ABCA8: variants seen among roughly 807,000 people sequenced by gnomAD.
ABCA8 encodes the protein ABC-type organic anion transporter ABCA8.
A neutral mutation model predicts 192.3 loss-of-function variants in ABCA8; 177 were observed. The ratio of observed to expected loss-of-function variants is 0.92; its 90% CI spans 0.81 to 1.04. The LOEUF is 1.04. Among genes scored for constraint, ABCA8 ranks in the 50% least tolerant of loss-of-function variants. The probability of loss-of-function intolerance (pLI) is 0.00; values close to 1 mark genes in which losing one functional copy is unlikely to be tolerated. For missense variants in ABCA8, 1,915 were observed against 1,904.8 expected (o/e 1.01, Z -0.10); for synonymous variants, 642 against 690.2 (o/e 0.93, Z 1.09).
chr17:68,884,447 T>A, intron 27 of ABCA8, 51 bp from the exon 28 acceptor site: 1 of 1,535,812 alleles, frequency 6.5e-7, no homozygotes, highest in Non-Finnish European at 8.7e-7. Context: ...TTTCCTGAAT[T>A]TTGTCCACAT....
chr17:68,872,661 G>C (rs1247433221), intron 37 of ABCA8, among the ~76,000 whole-genome samples: 1 of 152,012 alleles, frequency 6.6e-6, no homozygotes, highest in Non-Finnish European at 1.5e-5. Context: ...AGCTCCACAT[G>C]TGTCATTGCC....
intron 26 of ABCA8, among the ~76,000 whole-genome samples, chr17:68,886,285 T>G (rs2066459065): frequency 6.6e-6 from 1 of 152,206 alleles, no homozygotes; most frequent in South Asian, 2.1e-4. Flanking sequence ...CATGATTTTA[T>G]TTTTTGCCAT....
chr17:68,889,385 G>A (rs4147314), intron 24 of ABCA8, among the ~76,000 whole-genome samples: 63,615 of 151,958 alleles, frequency 0.42, 13,903 homozygotes, highest in East Asian at 0.56. Context: ...ATGCTCAGGT[G>A]ATTTGTAAAC....
chr17:68,896,712 G>A (rs1296836139), intron 21 of ABCA8, among the ~76,000 whole-genome samples: 1 of 152,186 alleles, frequency 6.6e-6, no homozygotes, highest in Non-Finnish European at 1.5e-5. Flanking sequence ...GAGGAGTAAT[G>A]CTGGCAATTT....
intron 4 of ABCA8, among the ~76,000 whole-genome samples, 174 bp downstream of exon 4, chr17:68,940,584 C>G (rs762787468): frequency 1.3e-5 from 2 of 152,126 alleles, no homozygotes; most frequent in Non-Finnish European, 2.9e-5. Context: ...GTAGTTTTAA[C>G]TTAGATACTG....
intron 1 of ABCA8, among the ~76,000 whole-genome samples, chr17:68,952,365 C>T (rs2068590973): frequency 6.6e-6 from 1 of 152,014 alleles, no homozygotes; most frequent in Non-Finnish European, 1.5e-5. Flanking sequence ...ATTACAAGCG[C>T]CCGCCACCAC....
intron 10 of ABCA8, among the ~76,000 whole-genome samples, chr17:68,926,255 A>T (rs1200159548): frequency 2.6e-5 from 4 of 152,226 alleles, no homozygotes; most frequent in Non-Finnish European, 5.9e-5. Context: ...AAGCAATTGT[A>T]AACACAGTGA....
At chr17:68,936,504 C>G (rs973280865) in intron 5 of ABCA8, among the ~76,000 whole-genome samples, 1 of 152,040 alleles carries the variant, frequency 6.6e-6, no homozygotes, top group African/African-American at 2.4e-5. Context: ...TGGCTTCATT[C>G]TGGTTTCTCT....
At chr17:68,941,818 G>A (rs564852212) in intron 3 of ABCA8, 121 bp downstream of exon 3, 3 of 616,214 alleles carry the variant, frequency 4.9e-6, no homozygotes, top group African/African-American at 1.9e-5. Context: ...TTGTATAAAC[G>A]TTGCTGTATT....
intron 2 of ABCA8, among the ~76,000 whole-genome samples, chr17:68,944,359 T>TATATATATATATATATATATATACAC (rs765731645): frequency 1.4e-5 from 1 of 69,462 alleles, no homozygotes; most frequent in Non-Finnish European, 2.9e-5. Flanking sequence ...TATATATATA[T>TATATATATATATATATATATATACAC]ACACATATAC....
In ABCA8 at chr17:68,875,280, G is replaced by A; in HGVS notation, c.4611C>T (p.Pro1537=). The part of the protein sequence containing the change: ...PLHAEILRLF[P]QAARQERYSS... ...TTTACCTTTCCTGCCGAGCAGCCTG[G>A]GGGAAAAGCCTCAGGATCTCTGCAT... is the stretch of plus-strand genomic sequence containing the variant. Residue 1537 remains proline (P), a synonymous_variant, in exon 37 of 40, where the codon CCC becomes CCT. Coordinates refer to ENST00000586539, the MANE Select transcript of ABCA8 (RefSeq NM_001288985.2). 1.2e-6 allele frequency: 2 copies of A among 1,613,890 alleles called. No individual in the cohort carries two copies. Among genetic ancestry groups the A allele is most frequent in the Middle Eastern group, 1.7e-4 (1 of 5,848 alleles).
chr17:68,872,047 G>T (rs544945875), intron 37 of ABCA8, among the ~76,000 whole-genome samples: 19 of 152,242 alleles, frequency 1.2e-4, no homozygotes, highest in Non-Finnish European at 2.2e-4. Flanking sequence ...TCTACAACTG[G>T]AAATACCATT....
chr17:68,875,333 T>C lies in ABCA8; in HGVS notation c.4558A>G (p.Lys1520Glu), dbSNP rs2066170717. 5 of 1,614,150 alleles carry C rather than the reference T, an allele frequency of 3.1e-6. No homozygotes were observed. The highest frequency in any genetic ancestry group is 4.2e-6 in the Non-Finnish European group (5 of 1,180,020). Reference sequence around the variant, plus strand: ...AGGGGCTCCACTTGTGCCAGGTTCTTCACCTTCATCTCCAGCAGGTAATCT... The same window carrying C: ...AGGGGCTCCACTTGTGCCAGGTTCTCCACCTTCATCTCCAGCAGGTAATCT... ...GKDYLLEMKV[K>E]NLAQVEPLHA... The change falls in exon 37 of 40, where the codon AAG becomes GAG. Residue 1520 changes from lysine to glutamate, a missense_variant. Transcript: ENST00000586539.
chr17:68,907,702 A>G (rs1483256694), intron 18 of ABCA8, 38 bp downstream of exon 18: 1 of 1,512,480 alleles, frequency 6.6e-7, no homozygotes, highest in South Asian at 1.4e-5. Context: ...GATGACTATT[A>G]TTCACATATT....
intron 2 of ABCA8, among the ~76,000 whole-genome samples, chr17:68,942,600 G>A (rs184954714): frequency 2.0e-5 from 3 of 152,102 alleles, no homozygotes; most frequent in East Asian, 3.9e-4. Flanking sequence ...CCCTTTCCTC[G>A]AAGCTCTGTT....
chr17:68,908,278 T>C (rs1402337978), intron 17 of ABCA8, among the ~76,000 whole-genome samples: 1 of 152,206 alleles, frequency 6.6e-6, no homozygotes, highest in African/African-American at 2.4e-5. Context: ...TTAAGCTGAC[T>C]AAATAGAATT....
intron 2 of ABCA8, among the ~76,000 whole-genome samples, chr17:68,942,446 G>C (rs1315342591): frequency 6.6e-6 from 1 of 152,164 alleles, no homozygotes; most frequent in African/African-American, 2.4e-5. Flanking sequence ...CATTTGCTGA[G>C]TTGCTATAGA....
At chr17:68,903,149 G>A (rs4147997) in intron 20 of ABCA8, 152 bp downstream of exon 20, 158,403 of 843,980 alleles carry the variant, frequency 0.19, 16,559 homozygotes, top group East Asian at 0.28. Flanking sequence ...TCAAGATTCT[G>A]CCTCTCTCCT....
intron 29 of ABCA8, among the ~76,000 whole-genome samples, chr17:68,883,376 T>C (rs1409615672): frequency 6.6e-6 from 1 of 152,246 alleles, no homozygotes; most frequent in East Asian, 1.9e-4. Flanking sequence ...CATTAATAAC[T>C]GAACCAGTCT....
Sources: gnomAD v4.1 joint callset for allele counts (sites outside exome capture counted in the v4.1 genomes callset) on GRCh38, gnomAD v4.1.1 for gene constraint, MANE v1.5 for transcripts, NCBI Gene and HGNC (gene_info 2026-07-23, HGNC 2026-07-21) for gene names.